Variants in BRI3 observed in about 807,000 individuals in gnomAD.
BRI3 encodes the protein membrane protein BRI3.
Under a neutral mutation model 12.8 loss-of-function variants are expected in BRI3, and 6 were observed. The observed-to-expected ratio is 0.47, with a 90% CI of 0.26 to 0.93. BRI3 has a LOEUF of 0.93. BRI3 is among the 40% of genes least tolerant of loss of function. The probability of loss-of-function intolerance (pLI) is 0.15; values close to 1 mark genes in which losing one functional copy is unlikely to be tolerated. For synonymous variants in BRI3, 91 were observed against 76.1 expected, an observed-to-expected ratio of 1.20 and a Z score of -1.02; for missense variants, 134 against 171.1, an observed-to-expected ratio of 0.78 and a Z score of 1.21.
upstream of BRI3, among the ~76,000 whole-genome samples, chr7:98,305,070 T>C (rs1366779643): frequency 2.0e-5 from 3 of 146,748 alleles, no homozygotes; most frequent in South Asian, 4.3e-4. Flanking sequence ...TTTTTTTTTT[T>C]AGTAGAGACG....
At chr7:98,302,888 T>A (rs757670), upstream of BRI3, among the ~76,000 whole-genome samples, 1 of 152,088 alleles carries the variant, frequency 6.6e-6, no homozygotes, top group Admixed American at 6.5e-5. Context: ...GGGTTCAGGC[T>A]ATCCTCCCAC....
downstream of BRI3, chr7:98,292,717 G>C (rs568371199): frequency 6.4e-7 from 1 of 1,551,466 alleles, no homozygotes; most frequent in East Asian, 2.4e-5. Flanking sequence ...CCAGGACCCC[G>C]AGCAGTTTGA....
intron 2 of BRI3, among the ~76,000 whole-genome samples, chr7:98,287,896 G>A (rs916293362): frequency 2.0e-5 from 3 of 152,172 alleles, no homozygotes; most frequent in Non-Finnish European, 2.9e-5. Context: ...CCTTTGCCCA[G>A]CCTCCTCCCA....
At chr7:98,311,463 C>A (rs1314379965), downstream of BRI3, among the ~76,000 whole-genome samples, 1 of 150,746 alleles carries the variant, frequency 6.6e-6, no homozygotes, top group African/African-American at 2.4e-5. Flanking sequence ...ATGGCGTGAA[C>A]CCAGGAGACG....
intron 2 of BRI3, among the ~76,000 whole-genome samples, chr7:98,288,330 G>A (rs942050642): frequency 6.6e-6 from 1 of 152,100 alleles, no homozygotes; most frequent in African/African-American, 2.4e-5. Context: ...GGGAGCTGTG[G>A]CACCTGGGGG....
At chr7:98,313,979 TTCC>T (rs1800978088), downstream of BRI3, among the ~76,000 whole-genome samples, 1 of 137,284 alleles carries the variant, frequency 7.3e-6, no homozygotes, top group Non-Finnish European at 1.6e-5. Context: ...CTCCTTTTTC[TTCC>T]TTTTTTTTTT....
downstream of BRI3, among the ~76,000 whole-genome samples, chr7:98,297,828 G>A (rs573976188): frequency 9.2e-5 from 14 of 152,312 alleles, no homozygotes; most frequent in African/African-American, 2.6e-4. Context: ...GTGAGGGCGC[G>A]CTGTGAAATG....
chr7:98,293,832 A>G (rs577986857), downstream of BRI3, among the ~76,000 whole-genome samples: 3 of 152,322 alleles, frequency 2.0e-5, no homozygotes, highest in East Asian at 5.8e-4. Context: ...GTGGGCACCC[A>G]CACCTCTTTA....
chr7:98,288,308 CTG>C (rs1799780350), intron 2 of BRI3, among the ~76,000 whole-genome samples: 1 of 152,128 alleles, frequency 6.6e-6, no homozygotes, highest in African/African-American at 2.4e-5. Flanking sequence ...CCCACCTCGA[CTG>C]TGTGGTCTTG....
downstream of BRI3, among the ~76,000 whole-genome samples, chr7:98,297,863 C>A (rs944757298): frequency 6.6e-6 from 1 of 152,188 alleles, no homozygotes; most frequent in African/African-American, 2.4e-5. Context: ...CAAAGGAGAG[C>A]TGTGTGCTTA....
upstream of BRI3, among the ~76,000 whole-genome samples, chr7:98,305,040 GTTTTTTGT>G (rs1371253882): frequency 2.9e-4 from 25 of 87,142 alleles, no homozygotes; most frequent in African/African-American, 1.0e-3. Context: ...TAATTTTTTT[GTTTTTTGT>G]TTTTTTTTTT....
At chr7:98,300,589 G>C (rs1800380715) in intron 1 of BRI3, among the ~76,000 whole-genome samples, 1 of 152,206 alleles carries the variant, frequency 6.6e-6, no homozygotes, top group African/African-American at 2.4e-5. Context: ...GCCTTGGACA[G>C]CGGCTGCCAT....
upstream of BRI3, chr7:98,306,408 A>T (rs1562966774): frequency 1.2e-6 from 2 of 1,612,762 alleles, no homozygotes; most frequent in Non-Finnish European, 1.7e-6. Context: ...GGTTTCTGTC[A>T]CCGGGAGAGC....
chr7:98,287,660 CAG>C (rs1799754319), intron 2 of BRI3, among the ~76,000 whole-genome samples: 1 of 152,204 alleles, frequency 6.6e-6, no homozygotes, highest in African/African-American at 2.4e-5. Flanking sequence ...TCAGCTCTGA[CAG>C]AGTAGGTGGG....
chr7:98,300,540 T>C (rs1800378517), intron 1 of BRI3, among the ~76,000 whole-genome samples: 1 of 152,224 alleles, frequency 6.6e-6, no homozygotes, highest in Non-Finnish European at 1.5e-5. Flanking sequence ...AAGAAGCTGC[T>C]GGCTGAGATT....
chr7:98,282,066 T>C, intron 1 of BRI3, 129 bp downstream of exon 1: 3 of 1,266,824 alleles, frequency 2.4e-6, no homozygotes, highest in Non-Finnish European at 2.0e-6. Flanking sequence ...CCGGGCTGGC[T>C]TCGGGACCCG....
At chr7:98,292,903 C>G (rs907589117), downstream of BRI3, 25 of 1,415,860 alleles carry the variant, frequency 1.8e-5, no homozygotes, top group South Asian at 3.7e-4. Context: ...CTACGTGTGG[C>G]TGTGATAAGG....
At chr7:98,293,520 C>T (rs762401284), downstream of BRI3, 7 of 1,612,954 alleles carry the variant, frequency 4.3e-6, no homozygotes, top group Admixed American at 1.2e-4. Context: ...TGGCTGTCCT[C>T]TCATCGAATG....
At chr7:98,288,997 G>A (rs573541346) in intron 2 of BRI3, among the ~76,000 whole-genome samples, 2 of 152,054 alleles carry the variant, frequency 1.3e-5, no homozygotes, top group Admixed American at 1.3e-4. Context: ...TTTTGCTCTT[G>A]TTGCCCAGGC....
Sources: allele counts gnomAD v4.1 joint callset (sites outside exome capture counted in the v4.1 genomes callset), GRCh38; gene constraint gnomAD v4.1.1; transcripts MANE v1.5; gene names NCBI Gene and HGNC (gene_info 2026-07-23, HGNC 2026-07-21).